The following EPB41L4B variants were observed in gnomAD, a reference collection of about 807,000 sequenced individuals.
EPB41L4B encodes erythrocyte membrane protein band 4.1 like 4B, also known as band 4.1-like protein 4B.
EPB41L4B carries 30 observed loss-of-function variants against 112.5 expected under a neutral mutation model. The observed-to-expected ratio is 0.27, with a 90% CI of 0.20 to 0.36. The LOEUF is 0.36. Among genes scored for constraint, EPB41L4B ranks in the 10% least tolerant of loss-of-function variants. The probability of loss-of-function intolerance (pLI) is 1.00; values close to 1 mark genes in which losing one functional copy is unlikely to be tolerated. For synonymous variants in EPB41L4B, 408 were observed against 439.7 expected (o/e 0.93, Z 0.90); for missense variants, 1,024 against 1,133.3 (o/e 0.90, Z 1.38).
In EPB41L4B at chr9:109,191,519, T is replaced by C. The variant is rs552963858; in HGVS notation, c.2301+759A>G. Among the ~76,000 whole-genome samples, 108 of 152,224 alleles carry C rather than the reference T, an allele frequency of 7.1e-4. 4 individuals are homozygous for C. In the South Asian group the frequency reaches 0.022, roughly 31 times the overall value. On this transcript the variant is annotated intron_variant, in intron 22 of 25. Transcript: ENST00000374566. ...AGGGGTGCAAGCAGAGGCTGGACAGTCATTTGGCAGGCATTGCCCCTCAGA... is the reference window on the plus strand; with the variant it reads ...AGGGGTGCAAGCAGAGGCTGGACAGCCATTTGGCAGGCATTGCCCCTCAGA...
intron 16 of EPB41L4B, among the ~76,000 whole-genome samples, chr9:109,215,090 G>A (rs925259632): frequency 6.6e-6 from 1 of 152,090 alleles, no homozygotes; most frequent in South Asian, 2.1e-4. Context: ...TGGCCCCAAG[G>A]TGAAGGTTGG....
chr9:109,297,874 AG>A (rs1836797676), intron 1 of EPB41L4B, among the ~76,000 whole-genome samples: 1 of 152,250 alleles, frequency 6.6e-6, no homozygotes, highest in South Asian at 2.1e-4. Flanking sequence ...ATTTTCAAAA[AG>A]GTCAATGAGT....
chr9:109,293,992 C>T (rs1836636742), intron 1 of EPB41L4B, among the ~76,000 whole-genome samples: 1 of 152,118 alleles, frequency 6.6e-6, no homozygotes, highest in Non-Finnish European at 1.5e-5. Flanking sequence ...CCATCAAGGA[C>T]TTTGTATCAG....
chr9:109,284,741 T>C (rs913186347), intron 1 of EPB41L4B, among the ~76,000 whole-genome samples: 3 of 152,226 alleles, frequency 2.0e-5, no homozygotes, highest in African/African-American at 7.2e-5. Flanking sequence ...CTTCTGGCAG[T>C]TGTCAGAGAC....
chr9:109,206,625 G>A (rs965546825), intron 18 of EPB41L4B, among the ~76,000 whole-genome samples: 1 of 152,240 alleles, frequency 6.6e-6, no homozygotes, highest in Non-Finnish European at 1.5e-5. Flanking sequence ...TGCCCACCAT[G>A]TAGAAAGTGA....
chr9:109,189,272 T>C (rs2118665879), intron 22 of EPB41L4B, among the ~76,000 whole-genome samples: 1 of 152,136 alleles, frequency 6.6e-6, no homozygotes, highest in East Asian at 1.9e-4. Flanking sequence ...AGCTACCTAA[T>C]AAAAGAGTTG....
intron 2 of EPB41L4B, among the ~76,000 whole-genome samples, chr9:109,269,182 C>T (rs1396470929): frequency 6.6e-6 from 1 of 152,178 alleles, no homozygotes; most frequent in South Asian, 2.1e-4. Flanking sequence ...GTCCTAAACT[C>T]TTTAAAGTAC....
intron 15 of EPB41L4B, 22 bp downstream of exon 15, chr9:109,243,596 C>A (rs1202651320): frequency 1.9e-6 from 3 of 1,613,070 alleles, no homozygotes; most frequent in Non-Finnish European, 2.5e-6. Context: ...GAAGGTGCAG[C>A]TCTGGAAGCA....
rs148991075 is a variant in EPB41L4B, at chr9:109,278,338, G to T, written c.411+1479C>A. On this transcript the variant is annotated intron_variant, in intron 2 of 25. Coordinates refer to ENST00000374566, the MANE Select transcript of EPB41L4B (RefSeq NM_019114.5). Reference sequence around the variant, plus strand: ...GCAGAGGAAGTGGCTGAGGTTGAGGGACACATCTGCACAGGGACATCCAGT... The same window carrying T: ...GCAGAGGAAGTGGCTGAGGTTGAGGTACACATCTGCACAGGGACATCCAGT... Among the ~76,000 whole-genome samples, 135 of 152,172 alleles carry T rather than the reference G, an allele frequency of 8.9e-4. 2 individuals carry two copies. The East Asian group carries it at 0.025, about 28-fold the overall frequency.
At chr9:109,274,673 A>G (rs1835747469) in intron 2 of EPB41L4B, among the ~76,000 whole-genome samples, 1 of 152,146 alleles carries the variant, frequency 6.6e-6, no homozygotes, top group South Asian at 2.1e-4. Flanking sequence ...GTACGCATGA[A>G]CCAAGTGCAT....
chr9:109,176,593 T>C lies in EPB41L4B; in HGVS notation c.2591A>G (p.Gln864Arg). Residue 864 changes from glutamine to arginine, a missense_variant, in exon 25 of 26, where the codon CAG becomes CGG. Coordinates refer to ENST00000374566, the MANE Select transcript of EPB41L4B (RefSeq NM_019114.5). Reference sequence around the variant, plus strand: ...AGGTTTCCGGGTGGTGTAAATGGTCTGCACTGTGGAGACGGTCTCTGTCAA... The same window carrying C: ...AGGTTTCCGGGTGGTGTAAATGGTCCGCACTGTGGAGACGGTCTCTGTCAA... ...RPLTETVSTV[Q>R]TIYTTRKPVS... The C allele has an allele frequency of 6.2e-7, 1 of 1,613,924 alleles. No individual in the cohort carries two copies. The highest frequency in any genetic ancestry group is 8.5e-7 in the Non-Finnish European group (1 of 1,179,912).
At chr9:109,220,744 CGT>C (rs1833544629) in intron 15 of EPB41L4B, among the ~76,000 whole-genome samples, 1 of 151,924 alleles carries the variant, frequency 6.6e-6, no homozygotes, top group African/African-American at 2.4e-5. Context: ...TGTGTGTGTG[CGT>C]GTGTGCACGT....
intron 2 of EPB41L4B, among the ~76,000 whole-genome samples, chr9:109,278,062 C>T (rs1835902756): frequency 1.3e-5 from 2 of 152,112 alleles, no homozygotes; most frequent in South Asian, 4.2e-4. Flanking sequence ...CACCAAAGGC[C>T]TCGAGGGATG....
chr9:109,201,685 C>T (rs564718734), intron 19 of EPB41L4B, among the ~76,000 whole-genome samples: 190 of 151,984 alleles, frequency 1.3e-3, no homozygotes, highest in African/African-American at 4.3e-3. Flanking sequence ...CCAGATGGAG[C>T]GAAGACCACA....
Position 109,208,017 on chromosome 9 carries a change from AAG to A in EPB41L4B, c.1783_1784del (p.Leu595SerfsTer16). The A allele has an allele frequency of 6.2e-7, 1 of 1,614,190 alleles. No homozygotes were observed. Among genetic ancestry groups the A allele is most frequent in the Non-Finnish European group, 8.5e-7 (1 of 1,180,022 alleles). ...CAGGGGAAGGCAAAAGTGGAGTCTGAAGAGTTTTCTCCGAGACTTTCTTTTCT... is the reference window on the plus strand; with the variant it reads ...CAGGGGAAGGCAAAAGTGGAGTCTGAAGTTTTCTCCGAGACTTTCTTTTCT... The part of the protein sequence containing the change: ...AEEKKVSEKT[L>X]QTPLLPSPVA... On this transcript the variant is annotated frameshift_variant, in exon 18 of 26. Transcript: ENST00000374566. LOFTEE classifies it high-confidence loss of function.
At chr9:109,238,992 T>G (rs1161353219) in intron 15 of EPB41L4B, among the ~76,000 whole-genome samples, 1 of 152,180 alleles carries the variant, frequency 6.6e-6, no homozygotes, top group Non-Finnish European at 1.5e-5. Flanking sequence ...GAGAGGCCCT[T>G]GGACTTCATC....
At chr9:109,251,125 C>T (rs1393824708) in intron 13 of EPB41L4B, among the ~76,000 whole-genome samples, 3 of 152,256 alleles carry the variant, frequency 2.0e-5, no homozygotes, top group Non-Finnish European at 1.5e-5. Flanking sequence ...CATCTGCTCT[C>T]GTCCAGCTTT....
intron 1 of EPB41L4B, among the ~76,000 whole-genome samples, chr9:109,297,198 G>A (rs1004750926): frequency 6.8e-6 from 1 of 146,648 alleles, no homozygotes; most frequent in African/African-American, 2.5e-5. Flanking sequence ...GGCAGCTGGG[G>A]GGGTGGGGGG....
intron 6 of EPB41L4B, among the ~76,000 whole-genome samples, chr9:109,259,901 C>G (rs1057321313): frequency 6.6e-6 from 1 of 152,098 alleles, no homozygotes; most frequent in African/African-American, 2.4e-5. Flanking sequence ...TCATTTTATT[C>G]AAACCTACAG....
Sources: allele counts gnomAD v4.1 joint callset (sites outside exome capture counted in the v4.1 genomes callset), GRCh38; gene constraint gnomAD v4.1.1; transcripts MANE v1.5; gene names NCBI Gene and HGNC (gene_info 2026-07-23, HGNC 2026-07-21).